Variants in CHRNA1 observed in about 807,000 individuals in gnomAD.
CHRNA1 encodes the protein acetylcholine receptor subunit alpha.
A neutral mutation model predicts 47.1 loss-of-function variants in CHRNA1; 35 were observed. The observed-to-expected ratio is 0.74, with a 90% confidence interval of 0.57 to 0.99. The LOEUF is 0.99. Ranked by LOEUF, CHRNA1 falls within the 50% of genes least tolerant of loss-of-function variation. The pLI is 0.00. For missense variants in CHRNA1, 506 were observed against 591.1 expected (o/e 0.86, Z 1.49); for synonymous variants, 229 against 223.6 (o/e 1.02, Z -0.22).
At chr2:174,754,447 A>C (rs1378834595) in intron 4 of CHRNA1, 33 bp from the exon 5 acceptor site, 6 of 1,592,588 alleles carry the variant, frequency 3.8e-6, no homozygotes, top group African/African-American at 2.7e-5. Context: ...AAATGGCTCC[A>C]AGTGACAGAT....
chr2:174,748,104 A>AAGCTC lies in CHRNA1; in HGVS notation c.*15_*19dup. Reference sequence around the variant, plus strand: ...CTCTGGTAGGTTCCAGGGCAGAGCTAAGCTCAGCTCATTTTCTGCTCATCC... The same window carrying AAGCTC: ...CTCTGGTAGGTTCCAGGGCAGAGCTAAGCTCAGCTCAGCTCATTTTCTGCTCATCC... On this transcript the variant is annotated 3_prime_UTR_variant, in exon 9 of 9. Transcript: ENST00000348749. 1.9e-6 allele frequency: 3 copies of AAGCTC among 1,613,842 alleles called. No homozygotes were observed. The South Asian group carries it at 3.3e-5, about 18-fold the overall frequency.
intron 1 of CHRNA1, among the ~76,000 whole-genome samples, chr2:174,762,502 C>T (rs1354775751): frequency 6.6e-6 from 1 of 152,114 alleles, no homozygotes; most frequent in Non-Finnish European, 1.5e-5. Context: ...TTACTGTAAG[C>T]AAAGCATTGT....
At chr2:174,763,044 C>A (rs1156586161) in intron 1 of CHRNA1, among the ~76,000 whole-genome samples, 1 of 151,048 alleles carries the variant, frequency 6.6e-6, no homozygotes, top group Non-Finnish European at 1.5e-5. Context: ...AATTAAGTGA[C>A]CTTGGGCAGG....
At chr2:174,755,528 T>A (rs937478178) in intron 4 of CHRNA1, among the ~76,000 whole-genome samples, 5 of 151,902 alleles carry the variant, frequency 3.3e-5, no homozygotes, top group Non-Finnish European at 7.4e-5. Flanking sequence ...CCCACCATTC[T>A]CCTGCCTCAG....
In CHRNA1 at chr2:174,750,180, C is replaced by T. The variant is rs1249456161; in HGVS notation, c.779-11G>A. On this transcript the variant is annotated splice_polypyrimidine_tract_variant and intron_variant, in intron 6 of 8. Coordinates refer to ENST00000348749, the MANE Select transcript of CHRNA1 (RefSeq NM_000079.4). Reference sequence around the variant, plus strand: ...GAGTCATCTTCTCCCCTGAAAAGACCAAAAAAAAAAAAAAAAATCCCACAA... The same window carrying T: ...GAGTCATCTTCTCCCCTGAAAAGACTAAAAAAAAAAAAAAAAATCCCACAA... 5.5e-5 allele frequency: 78 copies of T among 1,431,148 alleles called. No homozygotes were observed. The highest frequency in any genetic ancestry group is 7.4e-5 in the Non-Finnish European group (77 of 1,041,406). The allele number at this position is 1,431,148 out of a possible 1,614,324, so 88.7% of individuals were successfully genotyped here.
rs267599011 is a variant in CHRNA1 at position 174,753,715 on chromosome 2, T to C, written c.566A>G (p.Asn189Ser). ...CACCCACTCCCCGCTCTCCATGAAG[T>C]TGCTCAGGTCTGGCTGGTCGCTTTC... ...NPESDQPDLS[N>S]FMESGEWVIK... The change falls in exon 6 of 9, where the codon AAC becomes AGC. Residue 189 changes from asparagine (N) to serine (S), a missense_variant. Asn to Ser is a conservative substitution (Grantham distance 46, BLOSUM62 1). Transcript: ENST00000348749. 3 of 1,613,876 alleles carry C rather than the reference T, an allele frequency of 1.9e-6. No homozygotes were observed. The highest frequency in any genetic ancestry group is 2.7e-5 in the African/African-American group (2 of 74,880).
Position 174,747,836 on chromosome 2 carries a change from C to A in CHRNA1, c.*288G>T, listed in dbSNP as rs564090863. Reference sequence around the variant, plus strand: ...AATGCAACAGAAAACCTCGGTTATCCTGGCAAAAACTCTTCCAGACACTGG... The same window carrying A: ...AATGCAACAGAAAACCTCGGTTATCATGGCAAAAACTCTTCCAGACACTGG... On this transcript the variant is annotated 3_prime_UTR_variant, in exon 9 of 9. Transcript: ENST00000348749. The A allele has an allele frequency of 7.9e-6, 3 of 380,564 alleles. No homozygotes were observed. The allele number at this position is 380,564 out of a possible 1,614,324, so 23.6% of individuals were successfully genotyped here. A position where few individuals can be genotyped will look rare whatever the true frequency, so the allele number is the denominator to read the frequency against.
intron 5 of CHRNA1, among the ~76,000 whole-genome samples, 153 bp from the exon 6 acceptor site, chr2:174,753,893 T>C (rs1683914102): frequency 6.6e-6 from 1 of 152,180 alleles, no homozygotes; most frequent in Non-Finnish European, 1.5e-5. Flanking sequence ...GGGTCTTAGA[T>C]GCCTTTCCTA....
chr2:174,759,273 C>A (rs749980747), intron 3 of CHRNA1, 58 bp downstream of exon 3: 59 of 1,560,096 alleles, frequency 3.8e-5, no homozygotes, highest in Middle Eastern at 3.4e-4. Context: ...CCTCTGGGCC[C>A]AGGTTTAATT....
In CHRNA1 at chr2:174,747,690, T is replaced by C. The variant is rs1201677084; in HGVS notation, c.*434A>G. 9.3e-6 allele frequency: 2 copies of C among 214,824 alleles called. No individual in the cohort carries two copies. Among genetic ancestry groups the C allele is most frequent in the African/African-American group, 4.6e-5 (2 of 43,212 alleles). 13.3% of individuals were successfully genotyped at this position (214,824 alleles called of 1,614,324 possible). On this transcript the variant is annotated 3_prime_UTR_variant, in exon 9 of 9. Coordinates refer to ENST00000348749, the MANE Select transcript of CHRNA1 (RefSeq NM_000079.4). Reference sequence around the variant, plus strand: ...TCTTTAGGACTGGTAGATGGGGTTTTCTTAGTAGGTACAAAACTGACTCTT... The same window carrying C: ...TCTTTAGGACTGGTAGATGGGGTTTCCTTAGTAGGTACAAAACTGACTCTT...
At position 174,754,283 on chromosome 2, in the gene CHRNA1, T is replaced by C. The variant is rs1298471307; in HGVS notation, c.476A>G (p.Glu159Gly). 6.2e-7 allele frequency: 1 copy of C among 1,614,182 alleles called. No homozygotes were observed. Among genetic ancestry groups the C allele is most frequent in the African/African-American group, 1.3e-5 (1 of 75,046 alleles). ...GCCCAGCTTCATGCTGCAGTTCTGT[T>C]CATCAAAGGGAAAGTGGGTGACGAT... ...EIIVTHFPFD[E>G]QNCSMKLGTW... Residue 159 changes from glutamate to glycine, a missense_variant, in exon 5 of 9, where the codon GAA (glutamate) becomes GGA (glycine). Transcript: ENST00000348749.
intron 3 of CHRNA1, 45 bp downstream of exon 3, chr2:174,759,286 A>G: frequency 1.3e-6 from 2 of 1,595,550 alleles, no homozygotes; most frequent in Non-Finnish European, 1.7e-6. Context: ...GTTTAATTTC[A>G]GTGTGAATGA....
chr2:174,757,717 C>G, intron 3 of CHRNA1, 42 bp from the exon 4 acceptor site: 5 of 1,543,492 alleles, frequency 3.2e-6, no homozygotes, highest in Non-Finnish European at 3.6e-6. Flanking sequence ...GCCAAAAACA[C>G]TTTCTAAAAT....
At chr2:174,759,136 A>G (rs935616438) in intron 3 of CHRNA1, among the ~76,000 whole-genome samples, 195 bp downstream of exon 3, 1 of 152,176 alleles carries the variant, frequency 6.6e-6, no homozygotes, top group Non-Finnish European at 1.5e-5. Context: ...GCAAACTAAC[A>G]CACACAGAAA....
chr2:174,756,002 CT>C (rs1683974803), intron 4 of CHRNA1, among the ~76,000 whole-genome samples: 1 of 150,064 alleles, frequency 6.7e-6, no homozygotes, highest in South Asian at 2.1e-4. Flanking sequence ...CACCACAACA[CT>C]CCAGCCTGAG....
intron 3 of CHRNA1, chr2:174,757,924 T>C (rs1421177077): frequency 1.5e-6 from 2 of 1,353,514 alleles, no homozygotes; most frequent in African/African-American, 2.9e-5. Flanking sequence ...AACAATCCCG[T>C]GAGGGGAGGG....
rs190794732 is a variant in CHRNA1 at position 174,764,243 on chromosome 2, G to A, written c.43+109C>T. 1,045 of 1,141,828 alleles carry A rather than the reference G, an allele frequency of 9.2e-4. 8 individuals are homozygous for A. The East Asian group carries it at 0.012, about 13-fold the overall frequency. 70.7% of individuals were successfully genotyped at this position (1,141,828 alleles called of 1,614,324 possible). On this transcript the variant is annotated intron_variant, in intron 1 of 8. Coordinates refer to ENST00000348749, the MANE Select transcript of CHRNA1 (RefSeq NM_000079.4). ...GACAGAGCAGCCCCTGGTTGGGGAGGCTCTGCCATTCTGTGGTCTCATCAA... is the reference window on the plus strand; with the variant it reads ...GACAGAGCAGCCCCTGGTTGGGGAGACTCTGCCATTCTGTGGTCTCATCAA...
intron 8 of CHRNA1, 36 bp from the exon 9 acceptor site, chr2:174,748,291 A>G: frequency 6.2e-7 from 1 of 1,613,242 alleles, no homozygotes; most frequent in Middle Eastern, 1.8e-4. Flanking sequence ...GAGTCTCCCT[A>G]AGGTGGTTTC....
intron 6 of CHRNA1, 167 bp downstream of exon 6, chr2:174,753,336 A>G (rs1280827520): frequency 3.8e-6 from 3 of 794,504 alleles, no homozygotes; most frequent in Non-Finnish European, 6.8e-6. Context: ...CTCCACTCAC[A>G]GTGACTCTCA....
Sources: gnomAD v4.1 joint callset for allele counts (sites outside exome capture counted in the v4.1 genomes callset) on GRCh38, gnomAD v4.1.1 for gene constraint, MANE v1.5 for transcripts, NCBI Gene and HGNC (gene_info 2026-07-23, HGNC 2026-07-21) for gene names.